Variants in PACRG observed in about 807,000 individuals in gnomAD.
PACRG encodes the protein parkin coregulated.
Under a neutral mutation model 29.7 loss-of-function variants are expected in PACRG, and 29 were observed. That is an observed-to-expected ratio of 0.98 (90% CI 0.73 to 1.33). The LOEUF (loss-of-function observed/expected upper bound fraction) is 1.33, where lower values mean the gene tolerates loss of function less well. PACRG is among the 40% of genes most tolerant of loss of function. The pLI is 0.00. For missense variants in PACRG, 279 were observed against 316.2 expected (o/e 0.88, Z 0.89); for synonymous variants, 116 against 118.7 (o/e 0.98, Z 0.15).
chr6:163,089,235 C>T, intron 3 of PACRG, 24 bp from the exon 4 acceptor site: 1 of 1,603,088 alleles, frequency 6.2e-7, no homozygotes, highest in Non-Finnish European at 8.5e-7. Context: ...ATATTTTCTG[C>T]TTGGTCCTTC....
intron 1 of PACRG, among the ~76,000 whole-genome samples, chr6:162,781,742 A>G (rs1784108467): frequency 1.3e-5 from 2 of 151,742 alleles, no homozygotes. Context: ...ACCCTAAGTG[A>G]ACCGCGAAAA....
intron 2 of PACRG, among the ~76,000 whole-genome samples, chr6:162,825,588 A>G (rs1193079476): frequency 6.6e-6 from 1 of 152,158 alleles, no homozygotes; most frequent in African/African-American, 2.4e-5. Context: ...GCCTACTCTT[A>G]TATTTTTCTC....
intron 4 of PACRG, among the ~76,000 whole-genome samples, chr6:163,131,278 C>G (rs778518755): frequency 0.098 from 11,168 of 113,476 alleles, 489 homozygotes; most frequent in Middle Eastern, 0.13. Flanking sequence ...ACTGCACTCA[C>G]TCCAGCCTGG....
intron 2 of PACRG, among the ~76,000 whole-genome samples, chr6:162,902,956 T>C (rs1362663024): frequency 6.6e-6 from 1 of 152,232 alleles, no homozygotes; most frequent in East Asian, 1.9e-4. Flanking sequence ...TTACAACTTC[T>C]GTTTTTCTGC....
chr6:162,862,410 C>T (rs1791938015), intron 2 of PACRG, among the ~76,000 whole-genome samples: 1 of 152,148 alleles, frequency 6.6e-6, no homozygotes, highest in African/African-American at 2.4e-5. Context: ...CCCCTCAATA[C>T]TTTATACAGC....
chr6:163,226,137 C>T (rs1781785289), intron 4 of PACRG, among the ~76,000 whole-genome samples: 1 of 152,194 alleles, frequency 6.6e-6, no homozygotes, highest in African/African-American at 2.4e-5. Flanking sequence ...TGATCTCACT[C>T]ATATGTGGAA....
chr6:162,854,269 T>A (rs879481861), intron 2 of PACRG, among the ~76,000 whole-genome samples: 1 of 152,074 alleles, frequency 6.6e-6, no homozygotes, highest in Non-Finnish European at 1.5e-5. Flanking sequence ...GTTTGTGGAA[T>A]TAAATTTTGT....
At chr6:162,832,819 T>G (rs1423960757) in intron 2 of PACRG, among the ~76,000 whole-genome samples, 14 of 152,060 alleles carry the variant, frequency 9.2e-5, no homozygotes, top group Admixed American at 8.5e-4. Flanking sequence ...CAGTCTTTTT[T>G]TTTTTTTCAT....
At chr6:163,224,656 T>G (rs531380558) in intron 4 of PACRG, among the ~76,000 whole-genome samples, 1 of 152,262 alleles carries the variant, frequency 6.6e-6, no homozygotes, top group East Asian at 1.9e-4. Flanking sequence ...AAACTGGGCC[T>G]TATCTCACAA....
chr6:162,825,668 C>T (rs1380843442), intron 2 of PACRG, among the ~76,000 whole-genome samples: 2 of 152,130 alleles, frequency 1.3e-5, no homozygotes, highest in African/African-American at 2.4e-5. Flanking sequence ...TTCTTTTTCA[C>T]ACTCATCTAT....
chr6:162,965,784 G>A (rs1164388772), intron 2 of PACRG, among the ~76,000 whole-genome samples: 5 of 152,230 alleles, frequency 3.3e-5, no homozygotes, highest in African/African-American at 4.8e-5. Context: ...AGATAAAGAT[G>A]TAAATTTGGT....
At position 163,028,504 on chromosome 6, in the gene PACRG, G is replaced by A. The variant is rs1004759884; in HGVS notation, c.292-33646G>A. ...AGCCATCCACAAGGGCTTGCTTCTG[G>A]ATCTCAGGTGGCACCACTGCTTTCT... is the stretch of plus-strand genomic sequence containing the variant. On this transcript the variant is annotated intron_variant, in intron 2 of 4. Coordinates refer to ENST00000366888, the MANE Select transcript of PACRG (RefSeq NM_001080379.2). Among the ~76,000 whole-genome samples, 120 of 152,260 alleles carry A rather than the reference G, an allele frequency of 7.9e-4. 2 individuals carry two copies. The highest frequency in any genetic ancestry group is 2.1e-4 in the Non-Finnish European group (14 of 68,016).
chr6:163,138,358 A>G (rs1817021168), intron 4 of PACRG, among the ~76,000 whole-genome samples: 1 of 152,142 alleles, frequency 6.6e-6, no homozygotes, highest in Admixed American at 6.5e-5. Flanking sequence ...CCCCAAATGG[A>G]CAATCCGTCA....
At chr6:163,015,389 C>T (rs924972784) in intron 2 of PACRG, among the ~76,000 whole-genome samples, 1 of 152,070 alleles carries the variant, frequency 6.6e-6, no homozygotes, top group African/African-American at 2.4e-5. Flanking sequence ...CTGTGAAAAA[C>T]GACATTTGTA....
intron 4 of PACRG, among the ~76,000 whole-genome samples, chr6:163,224,511 G>A (rs999201170): frequency 6.6e-6 from 1 of 151,542 alleles, no homozygotes. Flanking sequence ...GAACAGAATA[G>A]AGAGGCCAAA....
intron 2 of PACRG, among the ~76,000 whole-genome samples, chr6:162,832,420 C>T (rs1001318210): frequency 2.0e-5 from 3 of 151,890 alleles, no homozygotes; most frequent in Non-Finnish European, 4.4e-5. Flanking sequence ...TCTAAATATG[C>T]CTTATCAGTG....
At chr6:163,051,056 A>C (rs1809955845) in intron 2 of PACRG, among the ~76,000 whole-genome samples, 2 of 152,146 alleles carry the variant, frequency 1.3e-5, no homozygotes, top group Non-Finnish European at 2.9e-5. Flanking sequence ...CTGCCTCTGC[A>C]TTCATCTTCC....
In PACRG at chr6:162,730,065, T is replaced by TCTC. The variant is rs1562537767; in HGVS notation, c.156+1674_156+1675insCTC. ...TTATTCAGTCAACAACTGTCTCTCT[T>TCTC]TTTTTTTTTTTTAATACCCAGTGTT... On this transcript the variant is annotated intron_variant, in intron 1 of 4. Coordinates refer to ENST00000366888, the MANE Select transcript of PACRG (RefSeq NM_001080379.2). Among the ~76,000 whole-genome samples the TCTC allele has an allele frequency of 4.5e-4, 36 of 80,194 alleles. 1 individual carries two copies. Among genetic ancestry groups the TCTC allele is most frequent in the South Asian group, 5.7e-4 (1 of 1,762 alleles). The allele number at this position is 80,194 out of a possible 152,430, so 52.6% of individuals were successfully genotyped here.
intron 2 of PACRG, among the ~76,000 whole-genome samples, chr6:162,902,496 C>T (rs1158812499): frequency 6.6e-6 from 1 of 152,110 alleles, no homozygotes; most frequent in East Asian, 1.9e-4. Context: ...AATGTTTTTC[C>T]TGTCTAGTTC....
Sources: allele counts gnomAD v4.1 joint callset (sites outside exome capture counted in the v4.1 genomes callset), GRCh38; gene constraint gnomAD v4.1.1; transcripts MANE v1.5; gene names NCBI Gene and HGNC (gene_info 2026-07-23, HGNC 2026-07-21).